The following LRRK1 variants were observed in gnomAD, a reference collection of about 807,000 sequenced individuals.
LRRK1 encodes the protein leucine rich repeat kinase 1, also known as leucine-rich repeat serine/threonine-protein kinase 1.
Under a neutral mutation model 209.1 loss-of-function variants are expected in LRRK1, and 113 were observed. That is an observed-to-expected ratio of 0.54 (90% CI 0.46 to 0.63). The LOEUF is 0.63. Ranked by LOEUF, LRRK1 falls within the 30% of genes least tolerant of loss-of-function variation. The probability of loss-of-function intolerance (pLI) is 0.00; values close to 1 mark genes in which losing one functional copy is unlikely to be tolerated. For missense variants in LRRK1, 2,284 were observed against 2,632.2 expected, an observed-to-expected ratio of 0.87 and a Z score of 2.89; for synonymous variants, 1,144 against 1,099.7, an observed-to-expected ratio of 1.04 and a Z score of -0.80.
At chr15:100,970,524 G>A (rs886200298) in intron 2 of LRRK1, among the ~76,000 whole-genome samples, 2 of 152,150 alleles carry the variant, frequency 1.3e-5, no homozygotes, top group South Asian at 4.1e-4. Context: ...GTACCATACT[G>A]TCTTGATTAC....
rs750018705 is a variant in LRRK1, at chr15:101,052,901, G to A, written c.3690-21G>A. Reference sequence around the variant, plus strand: ...GCATCAGGGCGGGGGGGATGTGGCTGATGCCGGGCGTGTGTGGCAGGCTCT... The same window carrying A: ...GCATCAGGGCGGGGGGGATGTGGCTAATGCCGGGCGTGTGTGGCAGGCTCT... On this transcript the variant is annotated intron_variant, in intron 24 of 33. Transcript: ENST00000388948. 5.0e-6 allele frequency: 8 copies of A among 1,597,760 alleles called. No individual in the cohort carries two copies. The South Asian group carries it at 7.7e-5, about 15-fold the overall frequency.
chr15:101,060,322 A>G (rs867558621), intron 29 of LRRK1, among the ~76,000 whole-genome samples: 88 of 152,256 alleles, frequency 5.8e-4, no homozygotes, highest in African/African-American at 2.0e-3. Context: ...ATGACTCTCT[A>G]TATTTTTAAC....
In LRRK1 at chr15:100,939,153, G is replaced by T. The variant is rs184534169; in HGVS notation, c.97+14424G>T. 3.0e-3 allele frequency among the ~76,000 whole-genome samples: 457 copies of T among 152,296 alleles called. 3 individuals carry two copies. The highest frequency in any genetic ancestry group is 7.9e-3 in the African/African-American group (330 of 41,570). Reference sequence around the variant, plus strand: ...AGTCAGTGTTCAAATGTCCTGCATTGTCTCTGTTTTTATCACTGGTTTGTT... The same window carrying T: ...AGTCAGTGTTCAAATGTCCTGCATTTTCTCTGTTTTTATCACTGGTTTGTT... On this transcript the variant is annotated intron_variant, in intron 2 of 33. Transcript: ENST00000388948.
At chr15:100,965,986 C>T (rs1443011532) in intron 2 of LRRK1, among the ~76,000 whole-genome samples, 1 of 151,898 alleles carries the variant, frequency 6.6e-6, no homozygotes, top group Non-Finnish European at 1.5e-5. Flanking sequence ...AATGTTTGCT[C>T]CATTTTATTT....
At chr15:101,026,259 G>A in intron 17 of LRRK1, 122 bp downstream of exon 17, 1 of 963,568 alleles carries the variant, frequency 1.0e-6, no homozygotes, top group South Asian at 1.6e-5. Context: ...CCTGGCCAAG[G>A]GTGGCCATCC....
Position 101,013,230 on chromosome 15 carries a change from G to T in LRRK1, c.1419+1085G>T, listed in dbSNP as rs942690151. On this transcript the variant is annotated intron_variant, in intron 10 of 33. Transcript: ENST00000388948. ...TCTCCATAGAATTTCAGCAGGAGGG[G>T]GCTGGCTGCAGCGGTTCTGATGGTG... Among the ~76,000 whole-genome samples, 15 of 152,298 alleles carry T rather than the reference G, an allele frequency of 9.8e-5. No individual in the cohort carries two copies. In the South Asian group the frequency reaches 1.2e-3, roughly 13 times the overall value.
chr15:100,933,493 G>A (rs940666065), intron 2 of LRRK1, among the ~76,000 whole-genome samples: 6 of 151,840 alleles, frequency 4.0e-5, no homozygotes, highest in South Asian at 2.1e-4. Context: ...TTATCTTTTC[G>A]CTCACATTTT....
At chr15:100,941,418 G>GTGTC (rs1596173442) in intron 2 of LRRK1, among the ~76,000 whole-genome samples, 16 of 130,146 alleles carry the variant, frequency 1.2e-4, no homozygotes, top group African/African-American at 4.3e-4. Flanking sequence ...GTCTCTGTGT[G>GTGTC]TGTGTGTGTC....
At chr15:100,950,097 G>A (rs1337486546) in intron 2 of LRRK1, among the ~76,000 whole-genome samples, 1 of 152,190 alleles carries the variant, frequency 6.6e-6, no homozygotes, top group Admixed American at 6.5e-5. Context: ...ACTGTACGTA[G>A]AATATTCTAA....
At chr15:101,000,402 G>T (rs896790312) in intron 6 of LRRK1, among the ~76,000 whole-genome samples, 1 of 152,074 alleles carries the variant, frequency 6.6e-6, no homozygotes, top group East Asian at 1.9e-4. Flanking sequence ...CAGCTCTCTG[G>T]TCCCAACCTC....
chr15:101,037,344 C>T (rs929859465), intron 20 of LRRK1, among the ~76,000 whole-genome samples: 7 of 152,136 alleles, frequency 4.6e-5, no homozygotes, highest in African/African-American at 1.7e-4. Context: ...AACCTTAGGC[C>T]CTCAGGAGAA....
At chr15:101,039,836 G>C (rs1184167419) in intron 20 of LRRK1, among the ~76,000 whole-genome samples, 1 of 152,102 alleles carries the variant, frequency 6.6e-6, no homozygotes, top group African/African-American at 2.4e-5. Context: ...TTCTGCCTCT[G>C]TTAATTTTTT....
At chr15:100,930,194 C>T (rs1258209628) in intron 2 of LRRK1, among the ~76,000 whole-genome samples, 1 of 152,188 alleles carries the variant, frequency 6.6e-6, no homozygotes, top group Non-Finnish European at 1.5e-5. Flanking sequence ...AGATCGGAAT[C>T]CCTTAACCCA....
At chr15:100,939,007 C>T (rs1437511591) in intron 2 of LRRK1, among the ~76,000 whole-genome samples, 1 of 152,188 alleles carries the variant, frequency 6.6e-6, no homozygotes, top group African/African-American at 2.4e-5. Context: ...ACAGGAGAAT[C>T]GCTTGAACCC....
At chr15:100,948,695 A>G (rs2042589586) in intron 2 of LRRK1, among the ~76,000 whole-genome samples, 1 of 152,248 alleles carries the variant, frequency 6.6e-6, no homozygotes, top group African/African-American at 2.4e-5. Flanking sequence ...CACAATAGAA[A>G]GAAGTTAGAA....
At chr15:100,977,929 A>G (rs1485820094) in intron 3 of LRRK1, among the ~76,000 whole-genome samples, 1 of 152,238 alleles carries the variant, frequency 6.6e-6, no homozygotes, top group African/African-American at 2.4e-5. Flanking sequence ...TCATCTAACA[A>G]GGATTTGAAG....
At chr15:100,953,531 T>TAC (rs1326137022) in intron 2 of LRRK1, among the ~76,000 whole-genome samples, 5 of 141,924 alleles carry the variant, frequency 3.5e-5, no homozygotes, top group African/African-American at 1.3e-4. Flanking sequence ...TATATATATA[T>TAC]ATACACACAT....
chr15:100,973,365 G>T (rs1374799569), intron 2 of LRRK1, among the ~76,000 whole-genome samples: 1 of 152,226 alleles, frequency 6.6e-6, no homozygotes, highest in Admixed American at 6.5e-5. Flanking sequence ...TTCTGGGCAG[G>T]GCGGGAAAGC....
chr15:101,076,590 C>A lies in LRRK1; in HGVS notation c.*7742C>A, dbSNP rs2036994376. ...AAGGCAGGCTGTGCTATAGTACAAG[C>A]CGCTAGCCCGCCTCTTAGAACCTCT... On this transcript the variant is annotated 3_prime_UTR_variant, in exon 34 of 34. Coordinates refer to ENST00000388948, the MANE Select transcript of LRRK1 (RefSeq NM_024652.6). 1 of 152,478 alleles carries A rather than the reference C, an allele frequency of 6.6e-6. No individual in the cohort carries two copies. The highest frequency in any genetic ancestry group is 6.5e-5 in the Admixed American group (1 of 15,286). 9.4% of individuals were successfully genotyped at this position (152,478 alleles called of 1,614,324 possible).
Sources: gnomAD v4.1 joint callset for allele counts (sites outside exome capture counted in the v4.1 genomes callset) on GRCh38, gnomAD v4.1.1 for gene constraint, MANE v1.5 for transcripts, NCBI Gene and HGNC (gene_info 2026-07-23, HGNC 2026-07-21) for gene names.